Variants in COL4A6 observed in about 807,000 individuals in gnomAD.
COL4A6 encodes collagen type IV alpha 6 chain.
COL4A6 carries 59 observed loss-of-function variants against 126.7 expected under a neutral mutation model. That is an observed-to-expected ratio of 0.47 (90% CI 0.38 to 0.58). The LOEUF (loss-of-function observed/expected upper bound fraction) is 0.58. COL4A6 is among the 20% of genes least tolerant of loss of function. The pLI is 0.00. For missense variants in COL4A6, 1,285 were observed against 1,337.3 expected (o/e 0.96, Z 0.61); for synonymous variants, 547 against 496.6 (o/e 1.10, Z -1.35).
At chrX:108,232,175 A>G (rs1377782476) in intron 3 of COL4A6, among the ~76,000 whole-genome samples, 1 of 111,948 alleles carries the variant, frequency 8.9e-6, no homozygotes, top group African/African-American at 3.2e-5. Context: ...TGAAGTGGAG[A>G]TGCCTAGATA....
chrX:108,205,629 A>C (rs750854561), intron 10 of COL4A6, 31 bp downstream of exon 10: 10 of 1,198,472 alleles, frequency 8.3e-6, no homozygotes, highest in Non-Finnish European at 1.1e-5. Context: ...AGGAGTAGGA[A>C]GCAAAATGCC....
chrX:108,186,598 T>C (rs1403041293), intron 23 of COL4A6, among the ~76,000 whole-genome samples: 2 of 111,730 alleles, frequency 1.8e-5, no homozygotes, highest in African/African-American at 3.3e-5. Flanking sequence ...AAAGAAGTTA[T>C]ATAAAGAGGA....
At chrX:108,165,537 T>C (rs1236318592) in intron 37 of COL4A6, 51 bp from the exon 38 acceptor site, 4 of 884,331 alleles carry the variant, frequency 4.5e-6, no homozygotes, top group Non-Finnish European at 6.3e-6. Flanking sequence ...GCCCAGAAGA[T>C]GGCCAGGCTC....
At chrX:108,341,707 G>A (rs767551447) in intron 2 of COL4A6, among the ~76,000 whole-genome samples, 16 of 110,870 alleles carry the variant, frequency 1.4e-4, no homozygotes, top group African/African-American at 4.9e-4. Context: ...CACTTCTACC[G>A]CTGAAAAATT....
At chrX:108,321,279 A>G (rs1001363399) in intron 2 of COL4A6, among the ~76,000 whole-genome samples, 1 of 112,138 alleles carries the variant, frequency 8.9e-6, no homozygotes, top group Admixed American at 9.5e-5. Flanking sequence ...AAAGTTAAGT[A>G]TCAGAGTGGG....
chrX:108,356,674 T>C (rs1002970374), intron 2 of COL4A6, among the ~76,000 whole-genome samples: 1 of 112,010 alleles, frequency 8.9e-6, no homozygotes, highest in African/African-American at 3.2e-5. Flanking sequence ...GTAAGAATAT[T>C]AGCCCTTCAC....
At position 108,170,803 on chromosome X, in the gene COL4A6, A is replaced by G; in HGVS notation, c.3385+7T>C. ...TTTCAGAATAAGGTTATCATGTGGC[A>G]TGGTACCTGGAGCTCCAGGAAGGCC... On this transcript the variant is annotated splice_region_variant and intron_variant, in intron 34 of 44. Transcript: ENST00000334504. 3 of 1,209,867 alleles carry G rather than the reference A, an allele frequency of 2.5e-6. No individual in the cohort carries two copies. The Admixed American group carries it at 6.5e-5, about 26-fold the overall frequency.
rs201551749 is a variant in COL4A6 at position 108,385,232 on chromosome X, C to T, written c.63+52710G>A. Among the ~76,000 whole-genome samples the T allele has an allele frequency of 6.1e-4, 63 of 103,540 alleles. 1 individual carries two copies. The highest frequency in any genetic ancestry group is 3.9e-3 in the East Asian group (12 of 3,068). The allele number at this position is 103,540 out of a possible 115,157, so 89.9% of individuals were successfully genotyped here. On this transcript the variant is annotated intron_variant, in intron 2 of 44. Transcript: ENST00000334504. Reference sequence around the variant, plus strand: ...AATGAACAATTTAAAAATGAAATTACGAAAAGTAATTACATTTACAGTACT... The same window carrying T: ...AATGAACAATTTAAAAATGAAATTATGAAAAGTAATTACATTTACAGTACT...
intron 16 of COL4A6, among the ~76,000 whole-genome samples, 192 bp downstream of exon 16, chrX:108,194,342 C>T (rs2035145173): frequency 8.9e-6 from 1 of 112,315 alleles, no homozygotes; most frequent in Admixed American, 9.4e-5. Context: ...CTTAGTTTAC[C>T]ACTGATCAAG....
chrX:108,421,204 C>T (rs1252273227), intron 2 of COL4A6, among the ~76,000 whole-genome samples: 1 of 111,926 alleles, frequency 8.9e-6, no homozygotes, highest in Non-Finnish European at 1.9e-5. Context: ...ATCTTGAATA[C>T]AGAGCTGGAA....
chrX:108,433,769 C>T (rs2064214369), intron 2 of COL4A6, among the ~76,000 whole-genome samples: 1 of 111,398 alleles, frequency 9.0e-6, no homozygotes, highest in African/African-American at 3.3e-5. Flanking sequence ...AGCAATCCAC[C>T]TACCTCGGCC....
At chrX:108,355,361 C>T (rs2039937581) in intron 2 of COL4A6, among the ~76,000 whole-genome samples, 1 of 112,214 alleles carries the variant, frequency 8.9e-6, no homozygotes, top group African/African-American at 3.2e-5. Context: ...CACCTAGAAG[C>T]ACACAAATAA....
At chrX:108,333,900 C>T (rs1406348407) in intron 2 of COL4A6, among the ~76,000 whole-genome samples, 1 of 111,195 alleles carries the variant, frequency 9.0e-6, no homozygotes, top group East Asian at 2.8e-4. Context: ...TTGTAGATGA[C>T]ACAAACAAAT....
At chrX:108,328,156 A>G in intron 2 of COL4A6, among the ~76,000 whole-genome samples, 1 of 111,871 alleles carries the variant, frequency 8.9e-6, no homozygotes, top group Non-Finnish European at 1.9e-5. Context: ...TAAATAAAGT[A>G]TTCAAGTACA....
At chrX:108,365,435 C>T (rs192828234) in intron 2 of COL4A6, among the ~76,000 whole-genome samples, 1 of 111,896 alleles carries the variant, frequency 8.9e-6, no homozygotes, top group African/African-American at 3.2e-5. Flanking sequence ...GGCACTACAT[C>T]TTACTCATTT....
At chrX:108,377,649 G>A (rs1302195705) in intron 2 of COL4A6, among the ~76,000 whole-genome samples, 2 of 106,737 alleles carry the variant, frequency 1.9e-5, no homozygotes, top group African/African-American at 6.9e-5. Context: ...GCTGTAACTC[G>A]GCCGGGCGCG....
chrX:108,413,491 C>T (rs1359222891), intron 2 of COL4A6, among the ~76,000 whole-genome samples: 2 of 111,058 alleles, frequency 1.8e-5, no homozygotes, highest in Admixed American at 9.6e-5. Flanking sequence ...CAGAGTCTCG[C>T]TCTGTCGCCC....
chrX:108,212,019 A>C (rs763533227), intron 6 of COL4A6, among the ~76,000 whole-genome samples: 1 of 111,689 alleles, frequency 9.0e-6, no homozygotes, highest in Admixed American at 9.5e-5. Context: ...ATCTATTCAG[A>C]GTACTGGTCT....
chrX:108,194,411 TC>T (rs1453645382), intron 16 of COL4A6, 122 bp downstream of exon 16: 6 of 693,191 alleles, frequency 8.7e-6, no homozygotes, highest in African/African-American at 4.4e-5. Flanking sequence ...TACATGCATT[TC>T]TTAAGAAAAA....
Sources: gnomAD v4.1 joint callset for allele counts (sites outside exome capture counted in the v4.1 genomes callset) on GRCh38, gnomAD v4.1.1 for gene constraint, MANE v1.5 for transcripts, NCBI Gene and HGNC (gene_info 2026-07-23, HGNC 2026-07-21) for gene names.